The following STAT5B variants were observed in gnomAD, a reference collection of about 807,000 sequenced individuals.
The protein encoded by STAT5B is transcription factor STAT5B.
A neutral mutation model predicts 107.8 loss-of-function variants in STAT5B; 21 were observed. The ratio of observed to expected loss-of-function variants is 0.19; its 90% confidence interval spans 0.14 to 0.28. The LOEUF (loss-of-function observed/expected upper bound fraction) is 0.28, where lower values mean the gene tolerates loss of function less well. Among genes scored for constraint, STAT5B ranks in the 10% least tolerant of loss-of-function variants. The probability of loss-of-function intolerance (pLI) is 1.00; values close to 1 mark genes in which losing one functional copy is unlikely to be tolerated. For missense variants in STAT5B, 565 were observed against 1,008.2 expected (o/e 0.56, Z 5.95); for synonymous variants, 325 against 401.7 (o/e 0.81, Z 2.28).
At chr17:42,246,142 AACTT>A (rs1340445852) in intron 1 of STAT5B, among the ~76,000 whole-genome samples, 1 of 152,180 alleles carries the variant, frequency 6.6e-6, no homozygotes, top group Non-Finnish European at 1.5e-5. Flanking sequence ...TAAAATGTAA[AACTT>A]AAGATATAAA....
chr17:42,235,385 G>A (rs745859613), intron 1 of STAT5B: 10 of 151,936 alleles, frequency 6.6e-5, no homozygotes, highest in African/African-American at 1.7e-4. Context: ...CAATTTGACC[G>A]ATTCTATTGG....
chr17:42,219,908 C>T (rs1399050952), intron 5 of STAT5B, 66 bp from the exon 6 acceptor site: 2 of 1,611,558 alleles, frequency 1.2e-6, no homozygotes, highest in African/African-American at 2.7e-5. Context: ...CCAGAGAAGC[C>T]CACTCACCCG....
Position 42,240,455 on chromosome 17 carries a change from G to A in STAT5B, c.-10-8318C>T, listed in dbSNP as rs541255096. On this transcript the variant is annotated intron_variant, in intron 1 of 18. Transcript: ENST00000293328. Reference sequence around the variant, plus strand: ...CCGGAATAGGCAAATCCATAGAGACGGAAAATAGATTGTTGGTTGCCAAGG... The same window carrying A: ...CCGGAATAGGCAAATCCATAGAGACAGAAAATAGATTGTTGGTTGCCAAGG... Among the ~76,000 whole-genome samples, 91 of 152,236 alleles carry A rather than the reference G, an allele frequency of 6.0e-4. 4 individuals are homozygous for A. In the South Asian group the frequency reaches 0.017, roughly 29 times the overall value.
rs150033708 is a variant in STAT5B, at chr17:42,258,518, A to G, written c.-11+17730T>C. 6.6e-5 allele frequency among the ~76,000 whole-genome samples: 10 copies of G among 152,354 alleles called. 1 individual carries two copies. The highest frequency in any genetic ancestry group is 1.9e-4 in the African/African-American group (8 of 41,582). On this transcript the variant is annotated intron_variant, in intron 1 of 18. Transcript: ENST00000293328. Reference sequence around the variant, plus strand: ...ACATGGTGAAACCCTGTCTCTACTAAAAATACAAAAATTAGCTGGGCATGG... The same window carrying G: ...ACATGGTGAAACCCTGTCTCTACTAGAAATACAAAAATTAGCTGGGCATGG...
At chr17:42,215,163 C>G (rs140399857) in intron 12 of STAT5B, among the ~76,000 whole-genome samples, 122 of 152,208 alleles carry the variant, frequency 8.0e-4, no homozygotes, top group African/African-American at 2.8e-3. Context: ...CTTCATGAGA[C>G]CTAGAATGAA....
chr17:42,216,182 T>C, intron 11 of STAT5B, 76 bp from the exon 12 acceptor site: 12 of 1,275,876 alleles, frequency 9.4e-6, no homozygotes, highest in Admixed American at 2.1e-5. Context: ...TTTTTTCTTA[T>C]TATAACAACA....
rs1334063720 is a variant in STAT5B, at chr17:42,199,399, C to T, written c.*2339G>A. On this transcript the variant is annotated 3_prime_UTR_variant, in exon 19 of 19. Transcript: ENST00000293328. ...AAAAAGAAAAATTATAAAAAGTATA[C>T]TTTCATTTTAAGTTATATTCGATTT... is the stretch of plus-strand genomic sequence containing the variant. 6.6e-6 allele frequency: 1 copy of T among 152,096 alleles called. No homozygotes were observed. Among genetic ancestry groups the T allele is most frequent in the Non-Finnish European group, 1.5e-5 (1 of 68,012 alleles). 9.4% of individuals were successfully genotyped at this position (152,096 alleles called of 1,614,324 possible).
chr17:42,243,175 TA>T (rs953154957), intron 1 of STAT5B, among the ~76,000 whole-genome samples: 6 of 98,460 alleles, frequency 6.1e-5, no homozygotes, highest in Non-Finnish European at 1.1e-4. Context: ...TGTTTATACT[TA>T]AAAAAAATAA....
rs180705493 is a variant in STAT5B, at chr17:42,207,465, G to A, written c.2077+93C>T. 4,272 of 1,495,074 alleles carry A rather than the reference G, an allele frequency of 2.9e-3. 18 individuals carry two copies. The highest frequency in any genetic ancestry group is 3.0e-3 in the Non-Finnish European group (3,193 of 1,079,668). 92.6% of individuals were successfully genotyped at this position (1,495,074 alleles called of 1,614,324 possible). On this transcript the variant is annotated intron_variant, in intron 16 of 18. Coordinates refer to ENST00000293328, the MANE Select transcript of STAT5B (RefSeq NM_012448.4). ...GGTAATTGTGTGGGTTTTCACACAA[G>A]AGAGATAACACACGCAGGTATGCAC...
intron 11 of STAT5B, among the ~76,000 whole-genome samples, chr17:42,216,567 G>A (rs566054055): frequency 1.3e-5 from 2 of 152,014 alleles, no homozygotes; most frequent in African/African-American, 4.8e-5. Flanking sequence ...TTGTTGAGAC[G>A]GGGTCTCACA....
chr17:42,247,643 G>C (rs1031324554), intron 1 of STAT5B, among the ~76,000 whole-genome samples: 1 of 152,094 alleles, frequency 6.6e-6, no homozygotes, highest in African/African-American at 2.4e-5. Flanking sequence ...ACGAGTAGCA[G>C]GTTTGTTAAG....
rs2080653861 is a variant in STAT5B, at chr17:42,264,900, C to A, written c.-11+11348G>T. Among the ~76,000 whole-genome samples the A allele has an allele frequency of 2.3e-5, 3 of 127,988 alleles. No individual in the cohort carries two copies. In the South Asian group the frequency reaches 8.7e-4, roughly 37 times the overall value. The allele number at this position is 127,988 out of a possible 152,430, so 84.0% of individuals were successfully genotyped here. On this transcript the variant is annotated intron_variant, in intron 1 of 18. Transcript: ENST00000293328. ...TCCTGACTTTTTAATGATTGCCATT[C>A]TAACTGGTGTGAGATGGTATCTCAT...
Position 42,218,172 on chromosome 17 carries a change from A to G in STAT5B, c.1148T>C (p.Leu383Pro). Reference sequence around the variant, plus strand: ...TTACTTGCGGGTGTTCTCGTTCTTGAGCAGAGACTTGGCCTGCTGCTCACT... The same window carrying G: ...TTACTTGCGGGTGTTCTCGTTCTTGGGCAGAGACTTGGCCTGCTGCTCACT... ...IISEQQAKSL[L>P]KNENTRNDYS... Residue 383 changes from leucine (L) to proline (P), a missense_variant, in exon 9 of 19, where the codon CTC becomes CCC. By Grantham distance (98) the Leu-to-Pro change is moderately conservative. Coordinates refer to ENST00000293328, the MANE Select transcript of STAT5B (RefSeq NM_012448.4). 1 of 1,614,102 alleles carries G rather than the reference A, an allele frequency of 6.2e-7. No individual in the cohort carries two copies. The highest frequency in any genetic ancestry group is 8.5e-7 in the Non-Finnish European group (1 of 1,180,022).
At chr17:42,255,337 G>A (rs757537796) in intron 1 of STAT5B, among the ~76,000 whole-genome samples, 3 of 152,182 alleles carry the variant, frequency 2.0e-5, no homozygotes, top group Non-Finnish European at 4.4e-5. Context: ...GAGTAGATAA[G>A]CCACAGGCAT....
At chr17:42,288,207 C>T in the STAT5B span, 2 of 152,234 alleles carry the variant, frequency 1.3e-5, no homozygotes, top group African/African-American at 4.8e-5. The surrounding 1 kb of genome is among the most constrained non-coding windows in gnomAD (Gnocchi z 4.8). Context: ...CCACATTCCC[C>T]CGGCTATTCT....
chr17:42,239,078 T>A (rs1369216868), intron 1 of STAT5B, among the ~76,000 whole-genome samples: 1 of 151,354 alleles, frequency 6.6e-6, no homozygotes, highest in East Asian at 2.0e-4. Flanking sequence ...TGAAAACCCA[T>A]CTCTACTAAA....
chr17:42,258,050 G>A (rs2080561951), intron 1 of STAT5B, among the ~76,000 whole-genome samples: 1 of 152,132 alleles, frequency 6.6e-6, no homozygotes, highest in Admixed American at 6.5e-5. Flanking sequence ...CATCTTTAGG[G>A]ACATATTTTA....
At chr17:42,222,340 C>T (rs1328314385) in intron 5 of STAT5B, among the ~76,000 whole-genome samples, 1 of 152,080 alleles carries the variant, frequency 6.6e-6, no homozygotes, top group Admixed American at 6.6e-5. Context: ...GCTGGTGGGG[C>T]TCCACAGCCT....
chr17:42,231,505 C>T lies in STAT5B; in HGVS notation c.128+495G>A, dbSNP rs138575851. Reference sequence around the variant, plus strand: ...TACAGGTGCACACCACCACACCTGGCTAATTTTTGTATTTTGTACAGAGAC... The same window carrying T: ...TACAGGTGCACACCACCACACCTGGTTAATTTTTGTATTTTGTACAGAGAC... On this transcript the variant is annotated intron_variant, in intron 2 of 18. Transcript: ENST00000293328. Among the ~76,000 whole-genome samples, 15 of 152,252 alleles carry T rather than the reference C, an allele frequency of 9.9e-5. No homozygotes were observed. The East Asian group carries it at 2.9e-3, about 29-fold the overall frequency.
Sources: allele counts gnomAD v4.1 joint callset (sites outside exome capture counted in the v4.1 genomes callset), GRCh38; gene constraint gnomAD v4.1.1; non-coding constraint Gnocchi (gnomAD v3.1); transcripts MANE v1.5; gene names NCBI Gene and HGNC (gene_info 2026-07-23, HGNC 2026-07-21).